Variants in EGFLAM observed in about 807,000 individuals in gnomAD.
EGFLAM encodes the protein pikachurin.
EGFLAM carries 79 observed loss-of-function variants against 113.1 expected under a neutral mutation model. That is an observed-to-expected ratio of 0.70 (90% CI 0.58 to 0.84). The LOEUF (loss-of-function observed/expected upper bound fraction) is 0.84. Ranked by LOEUF, EGFLAM falls within the 40% of genes least tolerant of loss-of-function variation. The pLI is 0.00. For synonymous variants in EGFLAM, 504 were observed against 487.6 expected (o/e 1.03, Z -0.44); for missense variants, 1,265 against 1,291.6 (o/e 0.98, Z 0.32).
chr5:38,276,351 G>C (rs1189695016), intron 1 of EGFLAM, among the ~76,000 whole-genome samples: 1 of 152,076 alleles, frequency 6.6e-6, no homozygotes, highest in Non-Finnish European at 1.5e-5. Flanking sequence ...AAACCAATCA[G>C]ATAAATTGAA....
chr5:38,265,009 C>T (rs537668910), intron 1 of EGFLAM, among the ~76,000 whole-genome samples: 1 of 152,334 alleles, frequency 6.6e-6, no homozygotes, highest in South Asian at 2.1e-4. Flanking sequence ...TAGTCTCACT[C>T]TTTCCATTAA....
At chr5:38,428,887 A>G (rs1451356816) in intron 14 of EGFLAM, among the ~76,000 whole-genome samples, 1 of 152,242 alleles carries the variant, frequency 6.6e-6, no homozygotes, top group Non-Finnish European at 1.5e-5. Context: ...GAATTAGGTG[A>G]TGAAAATGAG....
chr5:38,441,871 T>C (rs1742546307), intron 17 of EGFLAM, among the ~76,000 whole-genome samples: 1 of 152,108 alleles, frequency 6.6e-6, no homozygotes, highest in Non-Finnish European at 1.5e-5. Flanking sequence ...ACAGCTTCAA[T>C]TCAGACTGTG....
At chr5:38,397,703 C>T (rs1740997816) in intron 6 of EGFLAM, among the ~76,000 whole-genome samples, 1 of 152,140 alleles carries the variant, frequency 6.6e-6, no homozygotes, top group African/African-American at 2.4e-5. Context: ...ACCTTCACTG[C>T]CTAAGCAAAT....
At chr5:38,343,172 G>A (rs367811136) in intron 3 of EGFLAM, among the ~76,000 whole-genome samples, 3 of 152,148 alleles carry the variant, frequency 2.0e-5, no homozygotes, top group Non-Finnish European at 2.9e-5. Context: ...GGGAGGCTGA[G>A]GCGGGTGGAT....
chr5:38,436,313 A>G (rs1742348434), intron 16 of EGFLAM, among the ~76,000 whole-genome samples: 1 of 152,064 alleles, frequency 6.6e-6, no homozygotes, highest in Non-Finnish European at 1.5e-5. Flanking sequence ...TTAGTGACCA[A>G]TGGTGGCTAA....
At chr5:38,451,226 G>C in intron 18 of EGFLAM, 89 bp from the exon 19 acceptor site, 1 of 1,540,316 alleles carries the variant, frequency 6.5e-7, no homozygotes, top group Non-Finnish European at 8.8e-7. Flanking sequence ...CTTACATCTG[G>C]TTCCTCAGGG....
rs371582383 is a variant in EGFLAM, at chr5:38,463,885, G to C, written c.2929G>C (p.Val977Leu). The change falls in exon 22 of 22, where the codon GTG becomes CTG. Residue 977 changes from valine (V) to leucine (L), a missense_variant. Coordinates refer to ENST00000322350, the MANE Select transcript of EGFLAM (RefSeq NM_152403.4). ...TAACAGGCAATATATGAGAGGGCTC[G>C]TGGGCTGTATCTCTCACTTCACCCT... The part of the protein sequence containing the change: ...HTNRQYMRGL[V>L]GCISHFTLST... 1 of 1,614,200 alleles carries C rather than the reference G, an allele frequency of 6.2e-7. No homozygotes were observed. The highest frequency in any genetic ancestry group is 1.7e-5 in the Admixed American group (1 of 60,026).
At chr5:38,407,180 G>T (rs374989481) in intron 8 of EGFLAM, 34 bp downstream of exon 8, 1 of 1,599,884 alleles carries the variant, frequency 6.3e-7, no homozygotes, top group South Asian at 1.1e-5. Context: ...AAGTGGTGAT[G>T]AATTGGCACC....
At chr5:38,448,692 G>T (rs1742806427) in intron 18 of EGFLAM, among the ~76,000 whole-genome samples, 1 of 152,258 alleles carries the variant, frequency 6.6e-6, no homozygotes, top group South Asian at 2.1e-4. Context: ...TTCAGGCTTC[G>T]AGAAACAGTG....
intron 1 of EGFLAM, among the ~76,000 whole-genome samples, chr5:38,297,169 A>T (rs961542487): frequency 3.3e-5 from 5 of 152,162 alleles, no homozygotes; most frequent in South Asian, 2.1e-4. Flanking sequence ...ATGAATGTTA[A>T]TTTTTTTGGA....
At chr5:38,353,855 C>A (rs1250003106) in intron 5 of EGFLAM, among the ~76,000 whole-genome samples, 1 of 152,192 alleles carries the variant, frequency 6.6e-6, no homozygotes, top group African/African-American at 2.4e-5. Flanking sequence ...CCTACAGTGA[C>A]CAGCCTAGCT....
intron 1 of EGFLAM, among the ~76,000 whole-genome samples, chr5:38,333,422 C>T (rs563834081): frequency 2.8e-4 from 42 of 152,314 alleles, no homozygotes; most frequent in South Asian, 8.3e-4. Context: ...CCACCAACAG[C>T]GTATAAGAGT....
intron 6 of EGFLAM, chr5:38,403,915 T>C: frequency 6.2e-7 from 1 of 1,613,752 alleles, no homozygotes; most frequent in South Asian, 1.1e-5. Flanking sequence ...ATCGACAGGT[T>C]GAATTTTCAG....
chr5:38,348,179 G>A (rs1463754098), intron 3 of EGFLAM, among the ~76,000 whole-genome samples: 2 of 152,144 alleles, frequency 1.3e-5, no homozygotes, highest in Admixed American at 1.3e-4. Context: ...TCACTGGGTA[G>A]ATGTTCAAGA....
chr5:38,426,996 C>T lies in EGFLAM; in HGVS notation c.1811-13C>T, dbSNP rs1322720539. 6.2e-7 allele frequency: 1 copy of T among 1,613,154 alleles called. No individual in the cohort carries two copies. The highest frequency in any genetic ancestry group is 8.5e-7 in the Non-Finnish European group (1 of 1,179,726). The stretch of plus-strand genomic sequence containing the variant: ...CCACAGAGGGATTTCTAACACCATG[C>T]TTGTTTTTTCAGCTTTCACCTTGAC... On this transcript the variant is annotated splice_polypyrimidine_tract_variant and intron_variant, in intron 13 of 21. Coordinates refer to ENST00000322350, the MANE Select transcript of EGFLAM (RefSeq NM_152403.4).
intron 1 of EGFLAM, among the ~76,000 whole-genome samples, chr5:38,283,391 A>AT (rs1443124340): frequency 2.6e-5 from 4 of 152,172 alleles, no homozygotes; most frequent in African/African-American, 9.7e-5. Context: ...TAGATCATTC[A>AT]TTGTTATAAT....
intron 6 of EGFLAM, among the ~76,000 whole-genome samples, chr5:38,394,867 G>C (rs1027411378): frequency 2.0e-5 from 3 of 152,110 alleles, no homozygotes; most frequent in African/African-American, 7.2e-5. Flanking sequence ...GTGATAAACT[G>C]TCTCAGGCTT....
At chr5:38,356,111 A>G (rs1036816467) in intron 5 of EGFLAM, among the ~76,000 whole-genome samples, 1 of 152,142 alleles carries the variant, frequency 6.6e-6, no homozygotes, top group Non-Finnish European at 1.5e-5. Flanking sequence ...GCTAATATAT[A>G]TTTATCTCTT....
Sources: allele counts gnomAD v4.1 joint callset (sites outside exome capture counted in the v4.1 genomes callset), GRCh38; gene constraint gnomAD v4.1.1; transcripts MANE v1.5; gene names NCBI Gene and HGNC (gene_info 2026-07-23, HGNC 2026-07-21).